Variants in EYS observed in about 807,000 individuals in gnomAD.
The protein encoded by EYS is EGF-like photoreceptor maintenance factor.
A neutral mutation model predicts 282.1 loss-of-function variants in EYS; 250 were observed. That is an observed-to-expected ratio of 0.89 (90% CI 0.80 to 0.98). The LOEUF is 0.98. EYS is among the 50% of genes least tolerant of loss of function. The pLI, the probability that EYS is intolerant of heterozygous loss-of-function variation, is 0.00. For missense variants in EYS, 4,016 were observed against 3,709.0 expected (o/e 1.08, Z -2.15); for synonymous variants, 1,355 against 1,282.9 (o/e 1.06, Z -1.20).
chr6:65,402,676 C>T (rs1271413074), intron 6 of EYS, 71 bp from the exon 7 acceptor site: 1 of 1,014,670 alleles, frequency 9.9e-7, no homozygotes, highest in African/African-American at 1.6e-5. Flanking sequence ...GGGTTCTTAC[C>T]TGGAGAAGGG....
chr6:64,319,256 A>C (rs1770106272), intron 29 of EYS, among the ~76,000 whole-genome samples: 1 of 152,024 alleles, frequency 6.6e-6, no homozygotes, highest in African/African-American at 2.4e-5. Context: ...CAATAGTTTC[A>C]TCTTTATTGT....
At chr6:64,320,817 T>C (rs1257906362) in intron 29 of EYS, among the ~76,000 whole-genome samples, 1 of 151,870 alleles carries the variant, frequency 6.6e-6, no homozygotes, top group African/African-American at 2.4e-5. Context: ...ATTCCAATTA[T>C]TTATGTAAAT....
At chr6:65,486,612 A>T (rs1194591132) in intron 5 of EYS, among the ~76,000 whole-genome samples, 1 of 152,182 alleles carries the variant, frequency 6.6e-6, no homozygotes, top group East Asian at 1.9e-4. Flanking sequence ...TAAGATTTTA[A>T]ATATTATAAC....
chr6:65,227,297 T>C (rs1306124624), intron 12 of EYS, among the ~76,000 whole-genome samples: 1 of 152,188 alleles, frequency 6.6e-6, no homozygotes, highest in African/African-American at 2.4e-5. Context: ...GAAAGAAGTT[T>C]AATGATTACA....
intron 41 of EYS, among the ~76,000 whole-genome samples, chr6:63,727,281 T>G (rs573679661): frequency 6.6e-5 from 10 of 152,212 alleles, no homozygotes; most frequent in African/African-American, 1.4e-4. Flanking sequence ...CTTATAATGT[T>G]ACAGTGCTTC....
intron 5 of EYS, among the ~76,000 whole-genome samples, chr6:65,434,961 CAGA>C (rs1768019948): frequency 6.6e-6 from 1 of 151,692 alleles, no homozygotes; most frequent in African/African-American, 2.4e-5. Flanking sequence ...CTCTTGGGGA[CAGA>C]AGGACTAGTA....
At chr6:65,345,673 A>G (rs907057822) in intron 9 of EYS, among the ~76,000 whole-genome samples, 1 of 151,784 alleles carries the variant, frequency 6.6e-6, no homozygotes, top group Non-Finnish European at 1.5e-5. Flanking sequence ...AAAGTTTTTC[A>G]TAATGATATA....
At chr6:64,099,922 T>C (rs565012169) in intron 31 of EYS, among the ~76,000 whole-genome samples, 4 of 152,232 alleles carry the variant, frequency 2.6e-5, no homozygotes, top group Non-Finnish European at 5.9e-5. Context: ...TTGCTTTATA[T>C]AGATAATCTT....
intron 31 of EYS, among the ~76,000 whole-genome samples, chr6:64,100,107 G>T (rs779164587): frequency 1.3e-5 from 2 of 151,418 alleles, no homozygotes; most frequent in Admixed American, 6.6e-5. Context: ...CTGATATTTA[G>T]CTTCTCTGTG....
intron 19 of EYS, among the ~76,000 whole-genome samples, chr6:64,856,173 T>A (rs1374537931): frequency 6.6e-6 from 1 of 152,178 alleles, no homozygotes; most frequent in Non-Finnish European, 1.5e-5. Context: ...TAGAGCTCCA[T>A]AAGAAAGTGC....
chr6:65,350,389 A>G (rs1382175809), intron 9 of EYS, among the ~76,000 whole-genome samples: 1 of 151,558 alleles, frequency 6.6e-6, no homozygotes, highest in Non-Finnish European at 1.5e-5. Context: ...CAGAAGATCC[A>G]TTACTTTATA....
At chr6:65,159,743 T>A (rs531241001) in intron 12 of EYS, among the ~76,000 whole-genome samples, 9 of 151,066 alleles carry the variant, frequency 6.0e-5, no homozygotes, top group African/African-American at 1.9e-4. Flanking sequence ...ATTGTAGATA[T>A]CCTGGTTTTG....
At chr6:65,653,260 A>G (rs1362795211) in intron 1 of EYS, among the ~76,000 whole-genome samples, 2 of 151,978 alleles carry the variant, frequency 1.3e-5, no homozygotes, top group Admixed American at 6.6e-5. Flanking sequence ...CAGTCCTGTT[A>G]CACAGAGCAC....
intron 10 of EYS, among the ~76,000 whole-genome samples, chr6:65,341,795 CTAGA>C (rs2150318176): frequency 6.6e-6 from 1 of 151,356 alleles, no homozygotes; most frequent in Non-Finnish European, 1.5e-5. Context: ...CTACCAGAAT[CTAGA>C]TAAACTTCAT....
intron 12 of EYS, among the ~76,000 whole-genome samples, chr6:65,082,647 A>T (rs1167355041): frequency 6.6e-6 from 1 of 152,004 alleles, no homozygotes; most frequent in African/African-American, 2.4e-5. Context: ...TCTACATTGC[A>T]TTTTTCCTAC....
At chr6:65,279,452 G>A (rs944232617) in intron 12 of EYS, among the ~76,000 whole-genome samples, 1 of 152,006 alleles carries the variant, frequency 6.6e-6, no homozygotes, top group African/African-American at 2.4e-5. Flanking sequence ...ATAACATTAG[G>A]CAACATACCA....
intron 36 of EYS, among the ~76,000 whole-genome samples, chr6:63,853,150 A>C (rs898334143): frequency 6.6e-6 from 1 of 152,192 alleles, no homozygotes; most frequent in African/African-American, 2.4e-5. Flanking sequence ...AGGCAAGAGA[A>C]AGAAATAATG....
chr6:64,754,932 T>A (rs2149973030), intron 22 of EYS, among the ~76,000 whole-genome samples: 1 of 152,206 alleles, frequency 6.6e-6, no homozygotes, highest in South Asian at 2.1e-4. Context: ...ATAATGGAAG[T>A]CTTTGCCAGA....
chr6:65,577,776 C>T (rs1193357932), intron 2 of EYS, among the ~76,000 whole-genome samples: 1 of 145,702 alleles, frequency 6.9e-6, no homozygotes, highest in African/African-American at 2.5e-5. Context: ...GGACAAAATA[C>T]CTGAATAAAT....
Sources: allele counts gnomAD v4.1 joint callset (sites outside exome capture counted in the v4.1 genomes callset), GRCh38; gene constraint gnomAD v4.1.1; transcripts MANE v1.5; gene names NCBI Gene and HGNC (gene_info 2026-07-23, HGNC 2026-07-21).